Variants in CTNNA3 observed in about 807,000 individuals in gnomAD.
CTNNA3 encodes catenin alpha 3.
In CTNNA3, 76 loss-of-function variants were observed where a neutral mutation model predicts 95.7. That is an observed-to-expected ratio of 0.79 (90% CI 0.66 to 0.96). The LOEUF is 0.96. Ranked by LOEUF, CTNNA3 falls within the 40% of genes least tolerant of loss-of-function variation. The probability of loss-of-function intolerance (pLI) is 0.00; values close to 1 mark genes in which losing one functional copy is unlikely to be tolerated. For missense variants in CTNNA3, 1,191 were observed against 1,089.8 expected (o/e 1.09, Z -1.31); for synonymous variants, 431 against 374.4 (o/e 1.15, Z -1.74).
At chr10:67,230,215 G>C (rs1286428411) in intron 5 of CTNNA3, among the ~76,000 whole-genome samples, 1 of 152,094 alleles carries the variant, frequency 6.6e-6, no homozygotes. Flanking sequence ...AAAACACAAA[G>C]TGAGGAAAGG....
intron 9 of CTNNA3, among the ~76,000 whole-genome samples, chr10:66,739,780 A>C (rs1849265872): frequency 6.6e-6 from 1 of 152,206 alleles, no homozygotes. Context: ...AATTGAGCTA[A>C]GTCTGATTGG....
intron 17 of CTNNA3, among the ~76,000 whole-genome samples, chr10:65,951,494 C>A (rs150130915): frequency 1.0e-3 from 155 of 152,202 alleles, no homozygotes; most frequent in African/African-American, 3.3e-3. Context: ...AATCCAGAAT[C>A]ATTAAATCAT....
chr10:67,009,072 C>T (rs1852174946), intron 7 of CTNNA3, among the ~76,000 whole-genome samples: 1 of 152,164 alleles, frequency 6.6e-6, no homozygotes, highest in South Asian at 2.1e-4. Context: ...TTTCTCTCTT[C>T]CATGTGACTT....
intron 7 of CTNNA3, among the ~76,000 whole-genome samples, chr10:67,114,263 A>G (rs921459643): frequency 2.0e-5 from 3 of 152,102 alleles, no homozygotes; most frequent in African/African-American, 7.2e-5. Context: ...TTAATAAGTT[A>G]AAATTTTGGA....
chr10:66,332,833 T>C (rs1404570568), intron 12 of CTNNA3, among the ~76,000 whole-genome samples: 6 of 152,146 alleles, frequency 3.9e-5, no homozygotes, highest in Non-Finnish European at 8.8e-5. Context: ...TCTGGTAGAA[T>C]TCGGCTGTGA....
chr10:66,029,496 C>T (rs1262933096), intron 15 of CTNNA3, among the ~76,000 whole-genome samples: 2 of 152,262 alleles, frequency 1.3e-5, no homozygotes, highest in African/African-American at 2.4e-5. Flanking sequence ...GTGTACTGAA[C>T]TTCCTTATGT....
At chr10:66,970,674 T>G (rs2132824142) in intron 7 of CTNNA3, among the ~76,000 whole-genome samples, 1 of 152,250 alleles carries the variant, frequency 6.6e-6, no homozygotes, top group Non-Finnish European at 1.5e-5. Context: ...ATCTACATAA[T>G]GACACTATTT....
rs377657209 is a variant in CTNNA3, at chr10:67,172,926, G to A, written c.1047+7391C>T. On this transcript the variant is annotated intron_variant, in intron 7 of 17. Transcript: ENST00000433211. ...GGAGGCAGAGGTTGCAGCGAGCCAA[G>A]ATTATGTTACTGCACTCCAGCCTAG... Among the ~76,000 whole-genome samples the A allele has an allele frequency of 1.2e-4, 18 of 149,762 alleles. No homozygotes were observed. In the South Asian group the frequency reaches 3.8e-3, roughly 32 times the overall value.
chr10:66,528,104 G>A (rs550720755), intron 10 of CTNNA3, among the ~76,000 whole-genome samples: 36 of 152,100 alleles, frequency 2.4e-4, no homozygotes, highest in Middle Eastern at 3.4e-3. Context: ...CCCTGCCCAC[G>A]CTCGCTCATA....
intron 17 of CTNNA3, among the ~76,000 whole-genome samples, chr10:65,935,282 CTA>C (rs1033402957): frequency 3.9e-5 from 6 of 152,116 alleles, no homozygotes; most frequent in Admixed American, 3.9e-4. Flanking sequence ...TCGTAGGCTC[CTA>C]TTATTTCAAG....
intron 6 of CTNNA3, among the ~76,000 whole-genome samples, chr10:67,202,999 G>T (rs1196498264): frequency 6.6e-6 from 1 of 152,102 alleles, no homozygotes; most frequent in Non-Finnish European, 1.5e-5. Context: ...GTGTTAAAAT[G>T]ATTTACCTCC....
At chr10:67,492,492 T>C (rs1321192483) in intron 5 of CTNNA3, among the ~76,000 whole-genome samples, 3 of 152,220 alleles carry the variant, frequency 2.0e-5, no homozygotes, top group Admixed American at 1.3e-4. Context: ...CAACAAGTGT[T>C]TATTGAGTGC....
At chr10:66,830,173 G>A (rs1430004703) in intron 7 of CTNNA3, among the ~76,000 whole-genome samples, 1 of 152,122 alleles carries the variant, frequency 6.6e-6, no homozygotes, top group African/African-American at 2.4e-5. Context: ...AATCTCTCAT[G>A]TCTATAAGCA....
chr10:67,065,479 A>G (rs997106386), intron 7 of CTNNA3, among the ~76,000 whole-genome samples: 1 of 152,206 alleles, frequency 6.6e-6, no homozygotes, highest in Non-Finnish European at 1.5e-5. Context: ...GAAAAGTATT[A>G]TGACAGAAAC....
At chr10:65,983,534 T>C (rs2078366063) in intron 16 of CTNNA3, among the ~76,000 whole-genome samples, 1 of 151,508 alleles carries the variant, frequency 6.6e-6, no homozygotes, top group South Asian at 2.1e-4. Context: ...ATTTTACTTC[T>C]CCAACTTATT....
intron 13 of CTNNA3, among the ~76,000 whole-genome samples, chr10:66,129,855 C>T (rs938957073): frequency 5.3e-5 from 8 of 152,080 alleles, no homozygotes; most frequent in Non-Finnish European, 7.4e-5. Context: ...ATCACTTAGC[C>T]AGTGCCTATG....
At chr10:66,372,260 C>A (rs1269837548) in intron 12 of CTNNA3, among the ~76,000 whole-genome samples, 1 of 152,156 alleles carries the variant, frequency 6.6e-6, no homozygotes, top group Non-Finnish European at 1.5e-5. Flanking sequence ...CTATTGCCTT[C>A]AGCACATAAA....
chr10:66,950,017 C>G (rs1290688413), intron 7 of CTNNA3, among the ~76,000 whole-genome samples: 1 of 152,178 alleles, frequency 6.6e-6, no homozygotes, highest in Non-Finnish European at 1.5e-5. Context: ...CCTAGTCTTT[C>G]TGTTTCTCTA....
intron 11 of CTNNA3, among the ~76,000 whole-genome samples, chr10:66,437,359 A>G (rs1436694318): frequency 6.6e-6 from 1 of 151,998 alleles, no homozygotes; most frequent in East Asian, 1.9e-4. Context: ...ACATAGTCTC[A>G]TATTTCTTGG....
Sources: allele counts gnomAD v4.1 joint callset (sites outside exome capture counted in the v4.1 genomes callset), GRCh38; gene constraint gnomAD v4.1.1; transcripts MANE v1.5; gene names NCBI Gene and HGNC (gene_info 2026-07-23, HGNC 2026-07-21).